The following CNOT7 variants were observed in gnomAD, a reference collection of about 807,000 sequenced individuals.
CNOT7 encodes BTG1-binding factor 1.
CNOT7 carries 4 observed loss-of-function variants against 37.1 expected under a neutral mutation model. The observed-to-expected ratio is 0.11, with a 90% CI of 0.05 to 0.25. CNOT7 has a LOEUF of 0.25. CNOT7 is among the 10% of genes least tolerant of loss of function. CNOT7 has a pLI of 1.00. For synonymous variants in CNOT7, 128 were observed against 115.6 expected, an observed-to-expected ratio of 1.11 and a Z score of -0.69; for missense variants, 170 against 336.2, an observed-to-expected ratio of 0.51 and a Z score of 3.87.
At chr8:17,233,911 G>C (rs879812012) in intron 5 of CNOT7, among the ~76,000 whole-genome samples, 6 of 152,120 alleles carry the variant, frequency 3.9e-5, no homozygotes, top group Non-Finnish European at 5.9e-5. Flanking sequence ...AATTTAGCTG[G>C]GTGTGGTGAT....
intron 1 of CNOT7, among the ~76,000 whole-genome samples, chr8:17,245,667 C>T (rs1810878620): frequency 6.6e-6 from 1 of 152,134 alleles, no homozygotes; most frequent in African/African-American, 2.4e-5. Flanking sequence ...AATAAAACAA[C>T]CAAAATCCGA....
chr8:17,243,315 A>G (rs1171170127), intron 2 of CNOT7, 130 bp from the exon 3 acceptor site: 1 of 709,302 alleles, frequency 1.4e-6, no homozygotes, highest in Non-Finnish European at 2.4e-6. Flanking sequence ...ATTACAAAGT[A>G]TATTTTAACT....
chr8:17,231,766 C>T, intron 6 of CNOT7: 1 of 985,424 alleles, frequency 1.0e-6, no homozygotes, highest in East Asian at 1.1e-4. Flanking sequence ...CATTTAGTTT[C>T]ATTCTTCCAT....
Position 17,228,786 on chromosome 8 carries a change from A to G in CNOT7, c.*1934T>C, listed in dbSNP as rs1181791652. 1 of 152,020 alleles carries G rather than the reference A, an allele frequency of 6.6e-6. No individual in the cohort carries two copies. Among genetic ancestry groups the G allele is most frequent in the Non-Finnish European group, 1.5e-5 (1 of 67,890 alleles). 9.4% of individuals were successfully genotyped at this position (152,020 alleles called of 1,614,324 possible). The stretch of plus-strand genomic sequence containing the variant: ...TCTTTATCATTCCTATTTGAAATCC[A>G]GCATTGATTTCTCAAATAGTTGAAC... On this transcript the variant is annotated 3_prime_UTR_variant, in exon 7 of 7. Coordinates refer to ENST00000361272, the MANE Select transcript of CNOT7 (RefSeq NM_013354.7).
rs1225672510 is a variant in CNOT7, at chr8:17,227,352, C to CA, written c.*3367dup. On this transcript the variant is annotated 3_prime_UTR_variant, in exon 7 of 7. Transcript: ENST00000361272. ...CACTTCAAATCCAGCAATGGTTTCT[C>CA]AAAAAATAAAGCTAGGCAGTACTGA... 1 of 151,748 alleles carries CA rather than the reference C, an allele frequency of 6.6e-6. No homozygotes were observed. The allele number at this position is 151,748 out of a possible 1,614,324, so 9.4% of individuals were successfully genotyped here. A position where few individuals can be genotyped will look rare whatever the true frequency, so the allele number is the denominator to read the frequency against.
chr8:17,239,729 G>A (rs1370588786), intron 3 of CNOT7, among the ~76,000 whole-genome samples: 2 of 152,028 alleles, frequency 1.3e-5, no homozygotes, highest in Non-Finnish European at 2.9e-5. Flanking sequence ...TCCTGACCTT[G>A]TGATCCGCCC....
intron 3 of CNOT7, among the ~76,000 whole-genome samples, chr8:17,237,894 C>T (rs900619613): frequency 6.6e-6 from 1 of 152,222 alleles, no homozygotes; most frequent in Non-Finnish European, 1.5e-5. Flanking sequence ...AAGGAGATGC[C>T]TCCTTTCACA....
Position 17,225,459 on chromosome 8 carries a change from C to G in CNOT7, c.*5261G>C, listed in dbSNP as rs1808090197. ...GAAATGTAGCTTGTTCATTCACCTACAGACTATGGCTACAAAGCAATGAAA... is the reference window on the plus strand; with the variant it reads ...GAAATGTAGCTTGTTCATTCACCTAGAGACTATGGCTACAAAGCAATGAAA... On this transcript the variant is annotated 3_prime_UTR_variant, in exon 7 of 7. Transcript: ENST00000361272. The G allele has an allele frequency of 6.6e-6, 1 of 151,740 alleles. No homozygotes were observed. The highest frequency in any genetic ancestry group is 1.9e-4 in the East Asian group (1 of 5,194). The allele number at this position is 151,740 out of a possible 1,614,324, so 9.4% of individuals were successfully genotyped here. A position where few individuals can be genotyped will look rare whatever the true frequency, so the allele number is the denominator to read the frequency against.
chr8:17,234,353 AAC>A (rs1000303513), intron 5 of CNOT7, among the ~76,000 whole-genome samples: 1 of 152,206 alleles, frequency 6.6e-6, no homozygotes, highest in African/African-American at 2.4e-5. Context: ...ACCTTGTAAG[AAC>A]AGATTCTATG....
chr8:17,238,701 T>C (rs535097820), intron 3 of CNOT7, among the ~76,000 whole-genome samples: 4 of 152,354 alleles, frequency 2.6e-5, no homozygotes, highest in East Asian at 3.9e-4. Flanking sequence ...TGCCAAGGTA[T>C]AGGTATACAA....
intron 1 of CNOT7, chr8:17,246,235 G>T (rs1055522611): frequency 2.0e-5 from 3 of 152,216 alleles, no homozygotes; most frequent in Non-Finnish European, 2.9e-5. Context: ...CATTACTGGA[G>T]AAAGCATCTC....
At chr8:17,233,326 A>T (rs1294305792) in intron 5 of CNOT7, among the ~76,000 whole-genome samples, 1 of 152,228 alleles carries the variant, frequency 6.6e-6, no homozygotes, top group East Asian at 1.9e-4. Context: ...GCTTGAAACA[A>T]GGCTTTGCAC....
chr8:17,246,779 C>A lies in CNOT7; in HGVS notation c.-200G>T. The A allele has an allele frequency of 4.9e-6, 1 of 203,972 alleles. No homozygotes were observed. Among genetic ancestry groups the A allele is most frequent in the South Asian group, 6.2e-5 (1 of 16,078 alleles). 12.6% of individuals were successfully genotyped at this position (203,972 alleles called of 1,614,324 possible). ...GGTAGCGGCGGCGGCAGCGGGTGCC[C>A]CATAGACACCTCTCGCCCAGCGAAG... is the stretch of plus-strand genomic sequence containing the variant. On this transcript the variant is annotated 5_prime_UTR_variant, in exon 1 of 7. Transcript: ENST00000361272.
intron 1 of CNOT7, chr8:17,246,330 T>C (rs898316235): frequency 5.9e-5 from 9 of 152,402 alleles, no homozygotes; most frequent in African/African-American, 2.2e-4. Context: ...AAAGCGCCAG[T>C]GCGAAGGTGC....
At chr8:17,235,331 G>T (rs1432535527) in intron 4 of CNOT7, among the ~76,000 whole-genome samples, 1 of 152,128 alleles carries the variant, frequency 6.6e-6, no homozygotes, top group Non-Finnish European at 1.5e-5. Flanking sequence ...TTTACATAAG[G>T]TGGTCATATA....
chr8:17,239,843 AT>A (rs1358083353), intron 3 of CNOT7, among the ~76,000 whole-genome samples: 1 of 152,164 alleles, frequency 6.6e-6, no homozygotes, highest in Non-Finnish European at 1.5e-5. Flanking sequence ...TATCAGTGAC[AT>A]TATTTCCACA....
intron 2 of CNOT7, chr8:17,244,307 G>C (rs1053171954): frequency 3.3e-5 from 5 of 152,322 alleles, no homozygotes; most frequent in Non-Finnish European, 5.9e-5. Flanking sequence ...TATATTCACA[G>C]AACTCCAGTG....
In CNOT7 at chr8:17,246,856, A is replaced by G. The variant is rs959841012; in HGVS notation, c.-277T>C. 2 of 302,080 alleles carry G rather than the reference A, an allele frequency of 6.6e-6. No individual in the cohort carries two copies. Among genetic ancestry groups the G allele is most frequent in the Non-Finnish European group, 1.3e-5 (2 of 156,718 alleles). 18.7% of individuals were successfully genotyped at this position (302,080 alleles called of 1,614,324 possible). On this transcript the variant is annotated 5_prime_UTR_variant, in exon 1 of 7. Coordinates refer to ENST00000361272, the MANE Select transcript of CNOT7 (RefSeq NM_013354.7). ...ACCGTGCTGCGCCGTCGCTTTTCGC[A>G]CGTCCTGACGGGGGCGCTAGATGAT...
In CNOT7 at chr8:17,226,632, A is replaced by G. The variant is rs541381872; in HGVS notation, c.*4088T>C. 18 of 151,894 alleles carry G rather than the reference A, an allele frequency of 1.2e-4. No homozygotes were observed. Among genetic ancestry groups the G allele is most frequent in the African/African-American group, 4.3e-4 (18 of 41,550 alleles). The allele number at this position is 151,894 out of a possible 1,614,324, so 9.4% of individuals were successfully genotyped here. On this transcript the variant is annotated 3_prime_UTR_variant, in exon 7 of 7. Transcript: ENST00000361272. ...TCTTTGCACTGCATCAAGGTCCAAA[A>G]AACTGCTACAGGAAAATATATCCAC... is the stretch of plus-strand genomic sequence containing the variant.
Sources: allele counts gnomAD v4.1 joint callset (sites outside exome capture counted in the v4.1 genomes callset), GRCh38; gene constraint gnomAD v4.1.1; transcripts MANE v1.5; gene names NCBI Gene and HGNC (gene_info 2026-07-23, HGNC 2026-07-21).